RPS6KA5: variants seen among roughly 807,000 people sequenced by gnomAD.
RPS6KA5 encodes the protein ribosomal protein S6 kinase alpha-5.
RPS6KA5 carries 27 observed loss-of-function variants against 85.5 expected under a neutral mutation model. The observed-to-expected ratio is 0.32, with a 90% CI of 0.23 to 0.44. RPS6KA5 has a LOEUF of 0.44. Among genes scored for constraint, RPS6KA5 ranks in the 20% least tolerant of loss-of-function variants. The probability of loss-of-function intolerance (pLI) is 1.00; values close to 1 mark genes in which losing one functional copy is unlikely to be tolerated. For missense variants in RPS6KA5, 811 were observed against 980.9 expected (o/e 0.83, Z 2.31); for synonymous variants, 334 against 348.2 (o/e 0.96, Z 0.46).
rs753943943 is a variant in RPS6KA5, at chr14:90,873,725, A to G, written c.2067T>C (p.Asp689=). The G allele has an allele frequency of 2.5e-6, 4 of 1,614,028 alleles. No individual in the cohort carries two copies. The African/African-American group carries it at 5.3e-5, about 22-fold the overall frequency. ...GAGGATTGGAGGACAGCTGACTTCCATCTTGTAGCCATTCATTGTACCTCA... is the reference window on the plus strand; with the variant it reads ...GAGGATTGGAGGACAGCTGACTTCCGTCTTGTAGCCATTCATTGTACCTCA... The part of the protein sequence containing the change: ...SGLRYNEWLQ[D]GSQLSSNPLM... The change falls in exon 16 of 17, where the codon GAT becomes GAC. Residue 689 remains aspartate, a synonymous_variant. Transcript: ENST00000614987.
intron 5 of RPS6KA5, among the ~76,000 whole-genome samples, chr14:90,938,398 C>A (rs539607106): frequency 1.3e-5 from 2 of 152,266 alleles, no homozygotes; most frequent in South Asian, 2.1e-4. Flanking sequence ...GGTGGATCTA[C>A]CATTCTGAGG....
At position 90,900,844 on chromosome 14, in the gene RPS6KA5, G is replaced by A. The variant is rs965060591; in HGVS notation, c.1120-108C>T. ...TCCTTAGAAAAACACTCAAATATTT[G>A]TTGAGATGAGTCTAATTTTATTTTA... On this transcript the variant is annotated intron_variant, in intron 9 of 16. Transcript: ENST00000614987. The A allele has an allele frequency of 4.5e-5, 37 of 820,328 alleles. No individual in the cohort carries two copies. The Admixed American group carries it at 1.2e-3, about 26-fold the overall frequency. The allele number at this position is 820,328 out of a possible 1,614,324, so 50.8% of individuals were successfully genotyped here.
At chr14:91,041,501 A>G (rs775723254) in intron 1 of RPS6KA5, among the ~76,000 whole-genome samples, 17 of 152,242 alleles carry the variant, frequency 1.1e-4, no homozygotes, top group Non-Finnish European at 2.4e-4. Flanking sequence ...GTGGTTGCCC[A>G]GTATAGTATT....
At chr14:91,038,610 G>C (rs1463809204) in intron 1 of RPS6KA5, among the ~76,000 whole-genome samples, 1 of 152,174 alleles carries the variant, frequency 6.6e-6, no homozygotes, top group African/African-American at 2.4e-5. Context: ...TGAAGGAGCC[G>C]CAGACCTGGC....
intron 1 of RPS6KA5, among the ~76,000 whole-genome samples, chr14:91,011,589 C>T (rs780886805): frequency 5.9e-5 from 9 of 152,128 alleles, no homozygotes; most frequent in Non-Finnish European, 1.2e-4. Flanking sequence ...CATCAGGTTC[C>T]CTATCATGGA....
chr14:90,996,682 G>T (rs944306479), intron 2 of RPS6KA5, among the ~76,000 whole-genome samples: 1 of 151,834 alleles, frequency 6.6e-6, no homozygotes, highest in Non-Finnish European at 1.5e-5. Context: ...TTTTTACTAC[G>T]TTTTGCTTTT....
intron 1 of RPS6KA5, among the ~76,000 whole-genome samples, chr14:91,046,993 G>A (rs181980489): frequency 6.7e-4 from 100 of 150,270 alleles, no homozygotes; most frequent in Non-Finnish European, 3.4e-4. Context: ...GCTGTAGTGA[G>A]CTGTGATCAC....
chr14:91,043,998 G>A (rs1256572424), intron 1 of RPS6KA5, among the ~76,000 whole-genome samples: 1 of 152,090 alleles, frequency 6.6e-6, no homozygotes, highest in Non-Finnish European at 1.5e-5. Flanking sequence ...CGGCCAAGGA[G>A]GGTGGATCAC....
chr14:90,971,036 G>C (rs1336268244), intron 3 of RPS6KA5, among the ~76,000 whole-genome samples: 1 of 152,078 alleles, frequency 6.6e-6, no homozygotes, highest in East Asian at 1.9e-4. Flanking sequence ...TTGGAACTTG[G>C]GCCAGGCACG....
Position 91,030,240 on chromosome 14 carries a change from G to T in RPS6KA5, c.104-29081C>A, listed in dbSNP as rs2042131974. ...AAGTCCTCACACTCGTAACACTTAGGATTAATAATTTCCTGGGAGAAGAAC... is the reference window on the plus strand; with the variant it reads ...AAGTCCTCACACTCGTAACACTTAGTATTAATAATTTCCTGGGAGAAGAAC... On this transcript the variant is annotated intron_variant, in intron 1 of 16. Coordinates refer to ENST00000614987, the MANE Select transcript of RPS6KA5 (RefSeq NM_004755.4). Among the ~76,000 whole-genome samples, 3 of 152,154 alleles carry T rather than the reference G, an allele frequency of 2.0e-5. No individual in the cohort carries two copies. The South Asian group carries it at 6.2e-4, about 32-fold the overall frequency.
chr14:90,879,048 G>A (rs1450572583), intron 14 of RPS6KA5, among the ~76,000 whole-genome samples: 2 of 152,204 alleles, frequency 1.3e-5, no homozygotes, highest in African/African-American at 2.4e-5. Flanking sequence ...TCTGTGGCAG[G>A]TAACTATTTT....
intron 2 of RPS6KA5, among the ~76,000 whole-genome samples, chr14:90,983,181 G>A (rs2039875334): frequency 6.6e-6 from 1 of 151,318 alleles, no homozygotes; most frequent in Non-Finnish European, 1.5e-5. Flanking sequence ...GGAGGCTAAG[G>A]CAGGAGAATC....
Position 90,900,645 on chromosome 14 carries a change from C to T in RPS6KA5, c.1211G>A (p.Gly404Glu). 6.2e-7 allele frequency: 1 copy of T among 1,614,002 alleles called. No individual in the cohort carries two copies. The highest frequency in any genetic ancestry group is 1.7e-5 in the Admixed American group (1 of 60,014). The stretch of plus-strand genomic sequence containing the variant: ...TGCACTCCTGGCAACATTTGTCACT[C>T]CAGGACGTTCAACTCCCATGTGAAA... ...LQFHMGVERP[G>E]VTNVARSAMM... is the part of the protein sequence containing the mutation. The change falls in exon 10 of 17, where the codon GGA becomes GAA. Residue 404 changes from glycine (G) to glutamate (E), a missense_variant. Physicochemically the swap from Gly to Glu is moderately conservative, Grantham distance 98. Coordinates refer to ENST00000614987, the MANE Select transcript of RPS6KA5 (RefSeq NM_004755.4).
At chr14:90,900,550 T>G (rs2035106030) in intron 10 of RPS6KA5, 61 bp downstream of exon 10, 2 of 1,510,312 alleles carry the variant, frequency 1.3e-6, no homozygotes, top group Admixed American at 3.9e-5. Flanking sequence ...TTAATTAGAG[T>G]TGGTATTTAA....
chr14:91,015,632 A>G (rs188476940), intron 1 of RPS6KA5, among the ~76,000 whole-genome samples: 2 of 152,204 alleles, frequency 1.3e-5, no homozygotes, highest in Non-Finnish European at 2.9e-5. Context: ...TATTGTGAGA[A>G]AGTACTTTAT....
intron 1 of RPS6KA5, among the ~76,000 whole-genome samples, chr14:91,044,688 T>C (rs1443386565): frequency 1.3e-5 from 2 of 151,804 alleles, no homozygotes; most frequent in Non-Finnish European, 2.9e-5. Flanking sequence ...CTGGCCAACA[T>C]GGTGAAACCC....
At chr14:91,041,047 G>A (rs927883197) in intron 1 of RPS6KA5, among the ~76,000 whole-genome samples, 8 of 152,038 alleles carry the variant, frequency 5.3e-5, no homozygotes, top group African/African-American at 1.4e-4. Flanking sequence ...ACTAGAGGGC[G>A]ACAGAGAATT....
chr14:90,906,064 CTG>C, intron 8 of RPS6KA5, 83 bp downstream of exon 8: 1 of 1,274,338 alleles, frequency 7.8e-7, no homozygotes, highest in Non-Finnish European at 1.1e-6. Flanking sequence ...CCAAAGGGGA[CTG>C]TGTTCACTAA....
Position 90,867,372 on chromosome 14 carries a change from A to C in RPS6KA5, c.*4702T>G, listed in dbSNP as rs2032845882. The C allele has an allele frequency of 6.6e-6, 1 of 152,164 alleles. No homozygotes were observed. The highest frequency in any genetic ancestry group is 6.5e-5 in the Admixed American group (1 of 15,272). 9.4% of individuals were successfully genotyped at this position (152,164 alleles called of 1,614,324 possible). The stretch of plus-strand genomic sequence containing the variant: ...TTAGTAAAGGGGCAAATTGTATACC[A>C]ACATATAAATTAAAAGTGTTATGCA... On this transcript the variant is annotated 3_prime_UTR_variant, in exon 17 of 17. Transcript: ENST00000614987.
Sources: allele counts gnomAD v4.1 joint callset (sites outside exome capture counted in the v4.1 genomes callset), GRCh38; gene constraint gnomAD v4.1.1; transcripts MANE v1.5; gene names NCBI Gene and HGNC (gene_info 2026-07-23, HGNC 2026-07-21).